Variants in FAM107B observed in about 807,000 individuals in gnomAD.
FAM107B encodes the protein protein FAM107B.
Under a neutral mutation model 31.5 loss-of-function variants are expected in FAM107B, and 21 were observed. The ratio of observed to expected loss-of-function variants is 0.67; its 90% CI spans 0.47 to 0.96. The LOEUF is 0.96. FAM107B is among the 40% of genes least tolerant of loss of function. The probability of loss-of-function intolerance (pLI) is 0.00; values close to 1 mark genes in which losing one functional copy is unlikely to be tolerated. For synonymous variants in FAM107B, 157 were observed against 141.5 expected (o/e 1.11, Z -0.78); for missense variants, 452 against 377.1 (o/e 1.20, Z -1.64).
intron 2 of FAM107B, chr10:14,572,137 G>A (rs936560313): frequency 4.1e-6 from 4 of 985,158 alleles, no homozygotes; most frequent in Admixed American, 6.2e-5. Flanking sequence ...CTGAAAGCAG[G>A]AACTGTATGC....
intron 1 of FAM107B, among the ~76,000 whole-genome samples, chr10:14,747,761 T>A (rs1832754363): frequency 6.6e-6 from 1 of 152,168 alleles, no homozygotes; most frequent in Admixed American, 6.5e-5. Context: ...GTTGGGGGTG[T>A]CTCACCCAGT....
rs189028522 is a variant in FAM107B, at chr10:14,716,677, C to T, written c.412-48986G>A. On this transcript the variant is annotated intron_variant, in intron 1 of 4. Transcript: ENST00000181796. ...GGAGAGTACTTGATATGATGTCAAG[C>T]GATCACAGGTTTGAATCTTGGCTCC... Among the ~76,000 whole-genome samples the T allele has an allele frequency of 1.6e-4, 25 of 152,232 alleles. No homozygotes were observed. In the East Asian group the frequency reaches 3.3e-3, roughly 20 times the overall value.
chr10:14,628,367 C>A (rs1033094812), intron 2 of FAM107B, among the ~76,000 whole-genome samples: 10 of 152,088 alleles, frequency 6.6e-5, no homozygotes, highest in African/African-American at 1.4e-4. Context: ...ATCCACCTGC[C>A]TTGATCTCCC....
intron 2 of FAM107B, among the ~76,000 whole-genome samples, chr10:14,630,278 T>TAAAAA (rs10525721): frequency 5.9e-5 from 8 of 134,536 alleles, no homozygotes; most frequent in African/African-American, 1.1e-4. Flanking sequence ...CTACTGATGC[T>TAAAAA]AAAAAAAAAA....
chr10:14,683,657 A>G (rs1854902629), intron 1 of FAM107B, among the ~76,000 whole-genome samples: 1 of 152,236 alleles, frequency 6.6e-6, no homozygotes, highest in Non-Finnish European at 1.5e-5. Flanking sequence ...GAAATATCAT[A>G]TGGAGATAGG....
chr10:14,772,672 T>TA (rs1394935258), intron 1 of FAM107B, among the ~76,000 whole-genome samples: 1 of 152,100 alleles, frequency 6.6e-6, no homozygotes, highest in Non-Finnish European at 1.5e-5. Flanking sequence ...TCTGGATTGT[T>TA]ACAATGTCCT....
At chr10:14,674,110 C>T (rs966388) in intron 1 of FAM107B, among the ~76,000 whole-genome samples, 13,123 of 152,162 alleles carry the variant, frequency 0.086, 664 homozygotes, top group East Asian at 0.21. Context: ...CAAAATGCAT[C>T]AAAGACTTAA....
At chr10:14,685,770 C>T (rs1854968892) in intron 1 of FAM107B, among the ~76,000 whole-genome samples, 2 of 152,192 alleles carry the variant, frequency 1.3e-5, no homozygotes, top group Admixed American at 1.3e-4. Flanking sequence ...GTCTCCCTCT[C>T]TATCAGTCTG....
At chr10:14,624,106 G>A (rs1335483007) in intron 2 of FAM107B, among the ~76,000 whole-genome samples, 2 of 152,178 alleles carry the variant, frequency 1.3e-5, no homozygotes, top group African/African-American at 4.8e-5. Flanking sequence ...ACAATGGAGA[G>A]GCAGGTGAGG....
At chr10:14,626,055 G>T (rs369365156) in intron 2 of FAM107B, among the ~76,000 whole-genome samples, 2 of 152,002 alleles carry the variant, frequency 1.3e-5, no homozygotes, top group Admixed American at 6.6e-5. Context: ...CCCCCACCCC[G>T]GTACACTTGG....
intron 2 of FAM107B, among the ~76,000 whole-genome samples, chr10:14,636,053 T>TGTGAGAAA: frequency 6.6e-6 from 1 of 152,188 alleles, no homozygotes; most frequent in Non-Finnish European, 1.5e-5. Flanking sequence ...TTATTGCTTC[T>TGTGAGAAA]ATGAGAAAAT....
intron 1 of FAM107B, among the ~76,000 whole-genome samples, chr10:14,772,692 G>T (rs535775736): frequency 6.6e-6 from 1 of 151,928 alleles, no homozygotes; most frequent in African/African-American, 2.4e-5. Context: ...TCTCTGCTCC[G>T]GGCTTCCCAA....
intron 3 of FAM107B, chr10:14,528,119 G>T: frequency 3.9e-6 from 1 of 255,484 alleles, no homozygotes; most frequent in Non-Finnish European, 7.8e-6. Flanking sequence ...GTGACTAAGT[G>T]ATCACTTATT....
At chr10:14,625,539 CA>C (rs1853138056) in intron 2 of FAM107B, among the ~76,000 whole-genome samples, 1 of 152,106 alleles carries the variant, frequency 6.6e-6, no homozygotes, top group Non-Finnish European at 1.5e-5. Context: ...AACAGGGAAA[CA>C]GGAGGGCCCA....
chr10:14,689,092 G>A lies in FAM107B; in HGVS notation c.412-21401C>T, dbSNP rs139355579. Reference sequence around the variant, plus strand: ...GTGGGAAATACGAGAACCAACACATGGACCTTGTCCTCAAGAAGCTCCTGG... The same window carrying A: ...GTGGGAAATACGAGAACCAACACATAGACCTTGTCCTCAAGAAGCTCCTGG... On this transcript the variant is annotated intron_variant, in intron 1 of 4. Transcript: ENST00000181796. Among the ~76,000 whole-genome samples, 513 of 152,218 alleles carry A rather than the reference G, an allele frequency of 3.4e-3. 8 individuals are homozygous for A. The East Asian group carries it at 0.05, about 15-fold the overall frequency.
chr10:14,749,500 C>T (rs376426540), intron 1 of FAM107B, among the ~76,000 whole-genome samples: 1 of 152,224 alleles, frequency 6.6e-6, no homozygotes, highest in Non-Finnish European at 1.5e-5. Flanking sequence ...TACTAAAACA[C>T]ATACTTCATT....
At chr10:14,711,424 T>A (rs1170902998) in intron 1 of FAM107B, among the ~76,000 whole-genome samples, 1 of 152,200 alleles carries the variant, frequency 6.6e-6, no homozygotes, top group Non-Finnish European at 1.5e-5. Flanking sequence ...GTACCTTTTC[T>A]TACGTTTAGA....
At chr10:14,736,746 C>T (rs1238084775) in intron 1 of FAM107B, among the ~76,000 whole-genome samples, 1 of 152,158 alleles carries the variant, frequency 6.6e-6, no homozygotes, top group Non-Finnish European at 1.5e-5. Context: ...GGATTTATGT[C>T]CAATCACAAG....
intron 1 of FAM107B, among the ~76,000 whole-genome samples, chr10:14,761,148 C>G (rs1016542414): frequency 6.6e-6 from 1 of 151,394 alleles, no homozygotes; most frequent in African/African-American, 2.4e-5. Context: ...TTTGTGCTTA[C>G]TCAGTAATAA....
Sources: gnomAD v4.1 joint callset for allele counts (sites outside exome capture counted in the v4.1 genomes callset) on GRCh38, gnomAD v4.1.1 for gene constraint, MANE v1.5 for transcripts, NCBI Gene and HGNC (gene_info 2026-07-23, HGNC 2026-07-21) for gene names.